Variants in ZC2HC1B observed in about 807,000 individuals in gnomAD.
The protein encoded by ZC2HC1B is zinc finger C2HC domain-containing protein 1B.
Under a neutral mutation model 31.0 loss-of-function variants are expected in ZC2HC1B, and 36 were observed. That is an observed-to-expected ratio of 1.16 (90% confidence interval 0.89 to 1.54). The LOEUF (loss-of-function observed/expected upper bound fraction) is 1.54. Among genes scored for constraint, ZC2HC1B ranks in the 40% most tolerant of loss-of-function variants. The pLI, the probability that ZC2HC1B is intolerant of heterozygous loss-of-function variation, is 0.00. For synonymous variants in ZC2HC1B, 73 were observed against 88.0 expected (o/e 0.83, Z 0.95); for missense variants, 260 against 268.6 (o/e 0.97, Z 0.22).
intron 4 of ZC2HC1B, among the ~76,000 whole-genome samples, chr6:143,894,248 T>G (rs575188905): frequency 6.6e-6 from 1 of 152,200 alleles, no homozygotes; most frequent in Non-Finnish European, 1.5e-5. Context: ...GATGTTCTAT[T>G]ATATGAAATT....
chr6:143,874,719 A>G (rs887550272), intron 1 of ZC2HC1B, among the ~76,000 whole-genome samples: 1 of 152,240 alleles, frequency 6.6e-6, no homozygotes, highest in Non-Finnish European at 1.5e-5. Context: ...CCATGATTCA[A>G]TTACCTTCCC....
intron 4 of ZC2HC1B, among the ~76,000 whole-genome samples, chr6:143,890,398 C>CAAAAAAAAAAAAAAAAAAAAAAAAA (rs35848743): frequency 1.6e-5 from 1 of 63,212 alleles, no homozygotes; most frequent in Admixed American, 1.6e-4. Flanking sequence ...CAATACAATA[C>CAAAAAAAAAAAAAAAAAAAAAAAAA]AAAAAAAAAA....
intron 1 of ZC2HC1B, among the ~76,000 whole-genome samples, chr6:143,882,387 A>G (rs1416901317): frequency 1.6e-5 from 2 of 127,212 alleles, no homozygotes; most frequent in Admixed American, 7.9e-5. Context: ...AAGTTTTACA[A>G]ACTGCACCAA....
chr6:143,876,923 GC>G (rs1777413878), intron 1 of ZC2HC1B, among the ~76,000 whole-genome samples: 1 of 150,282 alleles, frequency 6.7e-6, no homozygotes, highest in Non-Finnish European at 1.5e-5. Flanking sequence ...GCCTTTCCCA[GC>G]CCACTGACTC....
At chr6:143,935,611 T>A (rs1778166992) in intron 6 of ZC2HC1B, among the ~76,000 whole-genome samples, 1 of 150,130 alleles carries the variant, frequency 6.7e-6, no homozygotes, top group Non-Finnish European at 1.5e-5. Context: ...TATATTCAGA[T>A]TGACAATCAG....
intron 1 of ZC2HC1B, among the ~76,000 whole-genome samples, chr6:143,878,414 GT>G (rs2128493560): frequency 6.6e-6 from 1 of 150,630 alleles, no homozygotes; most frequent in East Asian, 1.9e-4. Flanking sequence ...GGAGGCAGAG[GT>G]TGCAGTGTGC....
intron 6 of ZC2HC1B, among the ~76,000 whole-genome samples, chr6:143,909,084 A>T (rs191607383): frequency 2.3e-4 from 35 of 152,320 alleles, no homozygotes; most frequent in African/African-American, 8.4e-4. Context: ...TGATTTGTGT[A>T]CATTGAACCA....
intron 6 of ZC2HC1B, among the ~76,000 whole-genome samples, chr6:143,906,947 G>T (rs1343321254): frequency 6.6e-6 from 1 of 151,970 alleles, no homozygotes; most frequent in Non-Finnish European, 1.5e-5. Context: ...CCATTCTCCA[G>T]CAGGCCCCAT....
At chr6:143,904,310 C>A (rs1777769835) in intron 6 of ZC2HC1B, among the ~76,000 whole-genome samples, 1 of 152,200 alleles carries the variant, frequency 6.6e-6, no homozygotes, top group Non-Finnish European at 1.5e-5. Context: ...TATAAATATT[C>A]TTTTCTTTCC....
rs1490049666 is a variant in ZC2HC1B, at chr6:143,868,396, T to A, written c.28+3829T>A. ...ACTGAAGAACTTGGAGTTCAATGTT[T>A]GAGGGCAGGAAGCATCCAGCACAGG... is the stretch of plus-strand genomic sequence containing the variant. On this transcript the variant is annotated intron_variant, in intron 1 of 7. Transcript: ENST00000237275. This position sits in a 1 kb window ranked among gnomAD's most constrained non-coding sequence, Gnocchi z 4.2. Among the ~76,000 whole-genome samples, 1 of 152,156 alleles carries A rather than the reference T, an allele frequency of 6.6e-6. No individual in the cohort carries two copies. Among genetic ancestry groups the A allele is most frequent in the African/African-American group, 2.4e-5 (1 of 41,428 alleles).
At position 143,887,553 on chromosome 6, in the gene ZC2HC1B, T is replaced by A. The variant is rs973115426; in HGVS notation, c.349+732T>A. On this transcript the variant is annotated intron_variant, in intron 4 of 7. Transcript: ENST00000237275. This position sits in a 1 kb window ranked among gnomAD's most constrained non-coding sequence, Gnocchi z 5.1. ...TTTAAAGCTCTCTTCTCACCCATGT[T>A]CAGCCACAACCCAGGATCCAATCAC... Among the ~76,000 whole-genome samples, 10 of 152,182 alleles carry A rather than the reference T, an allele frequency of 6.6e-5. No individual in the cohort carries two copies. Among genetic ancestry groups the A allele is most frequent in the Non-Finnish European group, 1.5e-4 (10 of 68,016 alleles).
At chr6:143,881,209 C>T (rs1311010592) in intron 1 of ZC2HC1B, among the ~76,000 whole-genome samples, 2 of 152,090 alleles carry the variant, frequency 1.3e-5, no homozygotes, top group East Asian at 1.9e-4. Flanking sequence ...AAGATGGGCT[C>T]GTTTCACCCA....
At chr6:143,897,666 C>T (rs1777682957) in intron 4 of ZC2HC1B, among the ~76,000 whole-genome samples, 1 of 151,766 alleles carries the variant, frequency 6.6e-6, no homozygotes, top group African/African-American at 2.4e-5. Context: ...TATCTCCTTC[C>T]TGAATATATT....
At chr6:143,935,217 G>A (rs923494553) in intron 6 of ZC2HC1B, among the ~76,000 whole-genome samples, 2 of 152,142 alleles carry the variant, frequency 1.3e-5, no homozygotes, top group Non-Finnish European at 2.9e-5. Context: ...CAGGCACCTG[G>A]TAGGGGTGGG....
At chr6:143,906,600 C>T (rs556791533) in intron 6 of ZC2HC1B, among the ~76,000 whole-genome samples, 1 of 152,128 alleles carries the variant, frequency 6.6e-6, no homozygotes, top group Non-Finnish European at 1.5e-5. Context: ...CACACCACCA[C>T]ACCTGGCTAA....
At chr6:143,893,186 G>A (rs1422970574) in intron 4 of ZC2HC1B, among the ~76,000 whole-genome samples, 1 of 152,056 alleles carries the variant, frequency 6.6e-6, no homozygotes, top group African/African-American at 2.4e-5. Flanking sequence ...ATAGCCAATA[G>A]CACACGAAAA....
rs1479089049 is a variant in ZC2HC1B at position 143,884,385 on chromosome 6, G to A, written c.90+20G>A. 6.6e-7 allele frequency: 1 copy of A among 1,525,268 alleles called. No individual in the cohort carries two copies. Among genetic ancestry groups the A allele is most frequent in the Non-Finnish European group, 8.9e-7 (1 of 1,127,080 alleles). The allele number at this position is 1,525,268 out of a possible 1,614,324, so 94.5% of individuals were successfully genotyped here. The stretch of plus-strand genomic sequence containing the variant: ...GTTCTGGTAAACATAAAGACATTTT[G>A]TAGATGTGTTTCATTGGACTTAAAT... On this transcript the variant is annotated intron_variant, in intron 2 of 7. Coordinates refer to ENST00000237275, the MANE Select transcript of ZC2HC1B (RefSeq NM_001013623.3). The surrounding 1 kb of genome is among the most constrained non-coding windows in gnomAD (Gnocchi z 5.1).
rs1392711769 is a variant in ZC2HC1B at position 143,911,552 on chromosome 6, T to C, written c.598+8400T>C. 1.3e-5 allele frequency among the ~76,000 whole-genome samples: 2 copies of C among 152,230 alleles called. No homozygotes were observed. The highest frequency in any genetic ancestry group is 2.4e-5 in the African/African-American group (1 of 41,454). On this transcript the variant is annotated intron_variant, in intron 6 of 7. Transcript: ENST00000237275. This position sits in a 1 kb window ranked among gnomAD's most constrained non-coding sequence, Gnocchi z 4.5. ...AGCTTAGTTTGACTGGATATGAAAT[T>C]CTGGGTTGGAAATTCTTTTCTTTAA... is the stretch of plus-strand genomic sequence containing the variant.
intron 6 of ZC2HC1B, among the ~76,000 whole-genome samples, chr6:143,904,241 T>C (rs890968879): frequency 2.6e-5 from 4 of 152,264 alleles, no homozygotes; most frequent in Admixed American, 2.6e-4. Flanking sequence ...GTTTTTGTTG[T>C]TGACTTTTAG....
Sources: allele counts gnomAD v4.1 joint callset (sites outside exome capture counted in the v4.1 genomes callset), GRCh38; gene constraint gnomAD v4.1.1; non-coding constraint Gnocchi (gnomAD v3.1); transcripts MANE v1.5; gene names NCBI Gene and HGNC (gene_info 2026-07-23, HGNC 2026-07-21).